The following CNTN5 variants were observed in gnomAD, a reference collection of about 807,000 sequenced individuals.
CNTN5 encodes the protein contactin-5.
CNTN5 carries 77 observed loss-of-function variants against 129.1 expected under a neutral mutation model. That is an observed-to-expected ratio of 0.60 (90% CI 0.50 to 0.72). The LOEUF is 0.72. Among genes scored for constraint, CNTN5 ranks in the 30% least tolerant of loss-of-function variants. The probability of loss-of-function intolerance (pLI) is 0.00; values close to 1 mark genes in which losing one functional copy is unlikely to be tolerated. For missense variants in CNTN5, 1,478 were observed against 1,328.8 expected (o/e 1.11, Z -1.75); for synonymous variants, 509 against 465.6 (o/e 1.09, Z -1.20).
At chr11:99,741,251 T>A (rs1251946250) in intron 3 of CNTN5, among the ~76,000 whole-genome samples, 1 of 152,182 alleles carries the variant, frequency 6.6e-6, no homozygotes, top group Non-Finnish European at 1.5e-5. Context: ...AAACCATTAA[T>A]TTCAATATTT....
chr11:99,365,783 A>G (rs1312766004), intron 2 of CNTN5, among the ~76,000 whole-genome samples: 2 of 152,178 alleles, frequency 1.3e-5, no homozygotes, highest in African/African-American at 4.8e-5. Flanking sequence ...GTGAATGGAT[A>G]TATTATGCTA....
chr11:99,029,380 C>T (rs995844596), intron 1 of CNTN5, among the ~76,000 whole-genome samples: 11 of 151,712 alleles, frequency 7.3e-5, no homozygotes, highest in African/African-American at 2.7e-4. Context: ...TGTTTGATAC[C>T]ATATGCTTTT....
intron 15 of CNTN5, among the ~76,000 whole-genome samples, chr11:100,203,040 C>G (rs1438429524): frequency 6.6e-6 from 1 of 151,988 alleles, no homozygotes; most frequent in African/African-American, 2.4e-5. Flanking sequence ...ACCTCTTTAG[C>G]TGGGTAACTA....
chr11:100,153,429 T>A (rs1306648424), intron 13 of CNTN5, among the ~76,000 whole-genome samples: 1 of 152,110 alleles, frequency 6.6e-6, no homozygotes, highest in African/African-American at 2.4e-5. Flanking sequence ...AAAATTCCCT[T>A]TCATCAAATA....
chr11:100,007,467 C>G (rs1273561471), intron 9 of CNTN5, among the ~76,000 whole-genome samples: 2 of 152,082 alleles, frequency 1.3e-5, no homozygotes, highest in Non-Finnish European at 2.9e-5. Context: ...TTCTGAATAA[C>G]TAGCTGAAGT....
chr11:100,242,615 C>T (rs140212225), intron 16 of CNTN5, among the ~76,000 whole-genome samples: 12 of 152,248 alleles, frequency 7.9e-5, no homozygotes, highest in African/African-American at 2.9e-4. Flanking sequence ...CACTTGTAAA[C>T]AACCAGATCT....
chr11:100,254,269 TTA>T (rs141531186), intron 16 of CNTN5, among the ~76,000 whole-genome samples: 8,445 of 152,178 alleles, frequency 0.055, 780 homozygotes, highest in African/African-American at 0.19. Context: ...AACTTTCCTG[TTA>T]TATCCTCCAG....
intron 15 of CNTN5, among the ~76,000 whole-genome samples, chr11:100,215,826 A>G (rs1279998145): frequency 6.6e-6 from 1 of 152,200 alleles, no homozygotes; most frequent in African/African-American, 2.4e-5. Flanking sequence ...CCTGGAAGGA[A>G]TAAAAGGCAA....
chr11:100,217,232 A>G (rs1287723491), intron 15 of CNTN5, among the ~76,000 whole-genome samples: 1 of 142,108 alleles, frequency 7.0e-6, no homozygotes, highest in Non-Finnish European at 1.6e-5. Flanking sequence ...AAGTATGATA[A>G]AAAGATAGCA....
intron 1 of CNTN5, among the ~76,000 whole-genome samples, chr11:99,028,386 C>T (rs893991809): frequency 2.0e-5 from 3 of 151,556 alleles, no homozygotes; most frequent in Non-Finnish European, 4.4e-5. Flanking sequence ...GGAAATACAC[C>T]CATAGGGTGA....
chr11:99,282,882 A>G (rs2049695152), intron 1 of CNTN5, among the ~76,000 whole-genome samples: 1 of 152,102 alleles, frequency 6.6e-6, no homozygotes, highest in South Asian at 2.1e-4. Context: ...GCCTTTCCCC[A>G]ATGGCCATTA....
chr11:100,070,199 A>C (rs1370237295), intron 10 of CNTN5, among the ~76,000 whole-genome samples: 1 of 151,534 alleles, frequency 6.6e-6, no homozygotes, highest in Non-Finnish European at 1.5e-5. Context: ...AAGATTTTGC[A>C]TAGTTAAAAT....
chr11:100,038,323 G>A (rs150784887), intron 9 of CNTN5, among the ~76,000 whole-genome samples: 15,436 of 152,166 alleles, frequency 0.1, 872 homozygotes, highest in Middle Eastern at 0.25. Context: ...TTGCACTATG[G>A]TCTGAGAGAC....
chr11:99,626,099 A>G (rs1400717689), intron 3 of CNTN5, among the ~76,000 whole-genome samples: 2 of 152,006 alleles, frequency 1.3e-5, no homozygotes, highest in Admixed American at 1.3e-4. Context: ...TAAGGGGTGA[A>G]TGGGAGAATG....
At chr11:100,229,019 C>T (rs552340470) in intron 16 of CNTN5, among the ~76,000 whole-genome samples, 3 of 152,162 alleles carry the variant, frequency 2.0e-5, no homozygotes, top group Admixed American at 1.3e-4. Flanking sequence ...CTTGCAAGTT[C>T]GCAGATCTTG....
intron 3 of CNTN5, among the ~76,000 whole-genome samples, chr11:99,596,543 A>C (rs1238640460): frequency 1.3e-5 from 2 of 152,208 alleles, no homozygotes; most frequent in Admixed American, 6.5e-5. Context: ...AAGCTTCATA[A>C]AGAAGTCTGA....
At chr11:99,132,010 G>A (rs909254328) in intron 1 of CNTN5, among the ~76,000 whole-genome samples, 3 of 151,930 alleles carry the variant, frequency 2.0e-5, no homozygotes, top group Non-Finnish European at 4.4e-5. Context: ...AATAAAATAG[G>A]ACAAACTGAA....
In CNTN5 at chr11:99,472,579, G is replaced by T. The variant is rs1945217277; in HGVS notation, c.-70-83566G>T. Among the ~76,000 whole-genome samples, 3 of 152,164 alleles carry T rather than the reference G, an allele frequency of 2.0e-5. No individual in the cohort carries two copies. In the South Asian group the frequency reaches 6.2e-4, roughly 31 times the overall value. On this transcript the variant is annotated intron_variant, in intron 2 of 24. Coordinates refer to ENST00000524871, the MANE Select transcript of CNTN5 (RefSeq NM_014361.4). The stretch of plus-strand genomic sequence containing the variant: ...TTCCTGTGAAGTTTTCTTTGTCAGT[G>T]ATCAAGTTTACATTGAAAATTTGCA...
intron 20 of CNTN5, among the ~76,000 whole-genome samples, chr11:100,302,132 G>A (rs1239584246): frequency 6.6e-6 from 1 of 151,596 alleles, no homozygotes; most frequent in Non-Finnish European, 1.5e-5. Flanking sequence ...ATCAACTTTT[G>A]CTATACAATA....
Sources: gnomAD v4.1 joint callset for allele counts (sites outside exome capture counted in the v4.1 genomes callset) on GRCh38, gnomAD v4.1.1 for gene constraint, MANE v1.5 for transcripts, NCBI Gene and HGNC (gene_info 2026-07-23, HGNC 2026-07-21) for gene names.